The following KIF13A variants were observed in gnomAD, a reference collection of about 807,000 sequenced individuals.
KIF13A encodes the protein kinesin family member 13A, also known as kinesin-like protein KIF13A.
KIF13A carries 79 observed loss-of-function variants against 212.2 expected under a neutral mutation model. The ratio of observed to expected loss-of-function variants is 0.37; its 90% CI spans 0.31 to 0.45. The LOEUF (loss-of-function observed/expected upper bound fraction) is 0.45, where lower values mean the gene tolerates loss of function less well. Ranked by LOEUF, KIF13A falls within the 20% of genes least tolerant of loss-of-function variation. The pLI, the probability that KIF13A is intolerant of heterozygous loss-of-function variation, is 1.00. For synonymous variants in KIF13A, 789 were observed against 808.6 expected (o/e 0.98, Z 0.41); for missense variants, 1,901 against 2,209.0 (o/e 0.86, Z 2.79).
rs1213917528 is a variant in KIF13A at position 17,772,526 on chromosome 6, G to A, written c.4325-467C>T. ...ACATAAATCTGTGATGTCACAAAGA[G>A]TTACTACAGTGCTAGTCTGTGTGAA... is the stretch of plus-strand genomic sequence containing the variant. On this transcript the variant is annotated intron_variant, in intron 36 of 38. Coordinates refer to ENST00000259711, the MANE Select transcript of KIF13A (RefSeq NM_022113.6). The surrounding 1 kb of genome is among the most constrained non-coding windows in gnomAD (Gnocchi z 4.8). 6.6e-6 allele frequency among the ~76,000 whole-genome samples: 1 copy of A among 152,224 alleles called. No homozygotes were observed. The highest frequency in any genetic ancestry group is 1.9e-4 in the East Asian group (1 of 5,196).
chr6:17,810,567 T>G (rs1368577813), intron 17 of KIF13A, among the ~76,000 whole-genome samples: 1 of 152,226 alleles, frequency 6.6e-6, no homozygotes, highest in African/African-American at 2.4e-5. Flanking sequence ...ATGACTCAAG[T>G]GCATTACATT....
Position 17,829,936 on chromosome 6 carries a change from C to A in KIF13A, c.1401+1165G>T, listed in dbSNP as rs150638779. ...TCTCACTGTTCTCAAGCAGGCAATACCTTCGCATTTAGAGATTCAGGTGTG... is the reference window on the plus strand; with the variant it reads ...TCTCACTGTTCTCAAGCAGGCAATAACTTCGCATTTAGAGATTCAGGTGTG... On this transcript the variant is annotated intron_variant, in intron 13 of 38. Coordinates refer to ENST00000259711, the MANE Select transcript of KIF13A (RefSeq NM_022113.6). The surrounding 1 kb of genome is among the most constrained non-coding windows in gnomAD (Gnocchi z 5.4). Among the ~76,000 whole-genome samples, 8 of 152,062 alleles carry A rather than the reference C, an allele frequency of 5.3e-5. No homozygotes were observed. Among genetic ancestry groups the A allele is most frequent in the Admixed American group, 3.9e-4 (6 of 15,244 alleles).
In KIF13A at chr6:17,918,716, C is replaced by A. The variant is rs974205207; in HGVS notation, c.147-20536G>T. Reference sequence around the variant, plus strand: ...AGAAGCTCCCTCTGCCTGGAAAGCCCTCTCCAGGGCTTGCTCCTCAGAGGA... The same window carrying A: ...AGAAGCTCCCTCTGCCTGGAAAGCCATCTCCAGGGCTTGCTCCTCAGAGGA... On this transcript the variant is annotated intron_variant, in intron 2 of 38. Transcript: ENST00000259711. The surrounding 1 kb of genome is among the most constrained non-coding windows in gnomAD (Gnocchi z 4.8). 2.0e-5 allele frequency among the ~76,000 whole-genome samples: 3 copies of A among 152,146 alleles called. No individual in the cohort carries two copies. The highest frequency in any genetic ancestry group is 7.2e-5 in the African/African-American group (3 of 41,414).
chr6:17,806,360 T>G (rs1455114808), intron 18 of KIF13A, among the ~76,000 whole-genome samples: 2 of 152,224 alleles, frequency 1.3e-5, no homozygotes, highest in African/African-American at 4.8e-5. Flanking sequence ...AAGTCCACTA[T>G]AAGCATCCTT....
intron 25 of KIF13A, among the ~76,000 whole-genome samples, chr6:17,791,264 G>A (rs552139784): frequency 7.1e-4 from 108 of 152,114 alleles, no homozygotes; most frequent in African/African-American, 2.0e-3. Flanking sequence ...TTTAAACTAT[G>A]GAGGTAGTTC....
rs149242094 is a variant in KIF13A, at chr6:17,827,502, T to C, written c.1532+738A>G. ...GATGGGTCCATGGGGTTTCATTATA[T>C]TATTCTCTCTACATTTTTTTTTTTT... is the stretch of plus-strand genomic sequence containing the variant. On this transcript the variant is annotated intron_variant, in intron 14 of 38. Transcript: ENST00000259711. Among the ~76,000 whole-genome samples, 291 of 146,498 alleles carry C rather than the reference T, an allele frequency of 2.0e-3. 1 individual carries two copies. Among genetic ancestry groups the C allele is most frequent in the Middle Eastern group, 0.014 (4 of 286 alleles).
intron 17 of KIF13A, among the ~76,000 whole-genome samples, chr6:17,810,407 C>A (rs1049057657): frequency 6.6e-6 from 1 of 152,162 alleles, no homozygotes; most frequent in African/African-American, 2.4e-5. Flanking sequence ...TCCCACAACC[C>A]CTGCCTAATG....
chr6:17,893,069 C>T (rs1772213123), intron 3 of KIF13A, among the ~76,000 whole-genome samples: 1 of 152,160 alleles, frequency 6.6e-6, no homozygotes, highest in Non-Finnish European at 1.5e-5. Context: ...TGTGCTAACT[C>T]CAGGTAACAT....
In KIF13A at chr6:17,779,023, C is replaced by T. The variant is rs1190314631; in HGVS notation, c.4016G>A (p.Gly1339Glu). The T allele has an allele frequency of 6.2e-7, 1 of 1,613,630 alleles. No individual in the cohort carries two copies. The highest frequency in any genetic ancestry group is 8.5e-7 in the Non-Finnish European group (1 of 1,179,822). Residue 1339 changes from glycine to glutamate, a missense_variant, in exon 33 of 39, where the codon GGG (glycine) becomes GAG (glutamate). Physicochemically the swap from Gly to Glu is moderately conservative, Grantham distance 98. Coordinates refer to ENST00000259711, the MANE Select transcript of KIF13A (RefSeq NM_022113.6). ...AGTGTACTTCTCAATGTACGTCTCC[C>T]CATCTGATGTGCCTTCGTTTTCACT... is the stretch of plus-strand genomic sequence containing the variant. ...ARSENEGTSD[G>E]ETYIEKYTRG...
intron 2 of KIF13A, among the ~76,000 whole-genome samples, chr6:17,903,750 A>G (rs1478158024): frequency 6.6e-6 from 1 of 152,208 alleles, no homozygotes; most frequent in Non-Finnish European, 1.5e-5. Context: ...TGATTTTGTT[A>G]GCAAAAGTAC....
rs1778853914 is a variant in KIF13A, at chr6:17,962,000, T to C, written c.146+25054A>G. Among the ~76,000 whole-genome samples, 1 of 152,172 alleles carries C rather than the reference T, an allele frequency of 6.6e-6. No individual in the cohort carries two copies. The highest frequency in any genetic ancestry group is 1.5e-5 in the Non-Finnish European group (1 of 68,030). Reference sequence around the variant, plus strand: ...TGTGTGGCACCTACATACCAATGTGTCTTATAATTGATGGTATTTTAGGTG... The same window carrying C: ...TGTGTGGCACCTACATACCAATGTGCCTTATAATTGATGGTATTTTAGGTG... On this transcript the variant is annotated intron_variant, in intron 2 of 38. Transcript: ENST00000259711. The surrounding 1 kb of genome is among the most constrained non-coding windows in gnomAD (Gnocchi z 4.1).
chr6:17,844,104 A>G (rs999274414), intron 9 of KIF13A, among the ~76,000 whole-genome samples: 3 of 152,134 alleles, frequency 2.0e-5, no homozygotes, highest in Admixed American at 1.3e-4. Flanking sequence ...GATTGATGAA[A>G]TAAGTGGATT....
At chr6:17,797,147 A>G (rs2150327933) in intron 22 of KIF13A, among the ~76,000 whole-genome samples, 1 of 151,756 alleles carries the variant, frequency 6.6e-6, no homozygotes, top group East Asian at 1.9e-4. Flanking sequence ...CTCCTGCCTC[A>G]GCCTCCCGAG....
In KIF13A at chr6:17,946,117, G is replaced by A. The variant is rs1454628862; in HGVS notation, c.146+40937C>T. Among the ~76,000 whole-genome samples, 3 of 152,054 alleles carry A rather than the reference G, an allele frequency of 2.0e-5. 1 individual carries two copies. The highest frequency in any genetic ancestry group is 7.2e-5 in the African/African-American group (3 of 41,386). On this transcript the variant is annotated intron_variant, in intron 2 of 38. Transcript: ENST00000259711. Reference sequence around the variant, plus strand: ...AACTTTTAAAAACATGACACATACAGCATTAACCCTTTAAAAAAAATAGGG... The same window carrying A: ...AACTTTTAAAAACATGACACATACAACATTAACCCTTTAAAAAAAATAGGG...
At chr6:17,924,013 TTTTAC>T (rs1210373622) in intron 2 of KIF13A, among the ~76,000 whole-genome samples, 2 of 152,150 alleles carry the variant, frequency 1.3e-5, no homozygotes, top group Non-Finnish European at 2.9e-5. Flanking sequence ...CTAAAAAATC[TTTTAC>T]TTTAAGATAT....
At position 17,828,952 on chromosome 6, in the gene KIF13A, AT is replaced by A. The variant is rs10667237; in HGVS notation, c.1402-583del. Among the ~76,000 whole-genome samples the A allele has an allele frequency of 3.3e-4, 49 of 147,580 alleles. No individual in the cohort carries two copies. Among genetic ancestry groups the A allele is most frequent in the Middle Eastern group, 3.4e-3 (1 of 290 alleles). ...GGGTCATACCATGTACAAACGTGTGATTTTTTTTTTTTTGACATGGTGTCTC... is the reference window on the plus strand; with the variant it reads ...GGGTCATACCATGTACAAACGTGTGATTTTTTTTTTTTGACATGGTGTCTC... On this transcript the variant is annotated intron_variant, in intron 13 of 38. Transcript: ENST00000259711. This position sits in a 1 kb window ranked among gnomAD's most constrained non-coding sequence, Gnocchi z 4.3.
In KIF13A at chr6:17,856,769, CTG is replaced by C. The variant is rs1292744853; in HGVS notation, c.221-649_221-648del. Among the ~76,000 whole-genome samples, 1 of 152,190 alleles carries C rather than the reference CTG, an allele frequency of 6.6e-6. No individual in the cohort carries two copies. Among genetic ancestry groups the C allele is most frequent in the African/African-American group, 2.4e-5 (1 of 41,442 alleles). On this transcript the variant is annotated intron_variant, in intron 4 of 38. Coordinates refer to ENST00000259711, the MANE Select transcript of KIF13A (RefSeq NM_022113.6). This position sits in a 1 kb window ranked among gnomAD's most constrained non-coding sequence, Gnocchi z 4.5. ...GGCTGAAGAGTAAAGGAGTGACAAT[CTG>C]TTTTAAACACATAAAAGGACAGCAT...
chr6:17,915,947 AT>A lies in KIF13A; in HGVS notation c.147-17768del, dbSNP rs780904098. 0.092 allele frequency among the ~76,000 whole-genome samples: 13,402 copies of A among 145,558 alleles called. 802 individuals carry two copies. Among genetic ancestry groups the A allele is most frequent in the African/African-American group, 0.18 (6,773 of 37,154 alleles). ...CAGAGAGCCAGTCTCAAAAAAAAAAATAAAAATAAAAATAAAATAAAATAAA... is the reference window on the plus strand; with the variant it reads ...CAGAGAGCCAGTCTCAAAAAAAAAAAAAAAATAAAAATAAAATAAAATAAA... On this transcript the variant is annotated intron_variant, in intron 2 of 38. Coordinates refer to ENST00000259711, the MANE Select transcript of KIF13A (RefSeq NM_022113.6). This position sits in a 1 kb window ranked among gnomAD's most constrained non-coding sequence, Gnocchi z 4.4.
In KIF13A at chr6:17,837,132, T is replaced by C. The variant is rs762010376; in HGVS notation, c.943-42A>G. 2.6e-6 allele frequency: 4 copies of C among 1,527,056 alleles called. No homozygotes were observed. The highest frequency in any genetic ancestry group is 1.1e-5 in the South Asian group (1 of 89,116). 94.6% of individuals were successfully genotyped at this position (1,527,056 alleles called of 1,614,324 possible). On this transcript the variant is annotated intron_variant, in intron 10 of 38. Transcript: ENST00000259711. This position sits in a 1 kb window ranked among gnomAD's most constrained non-coding sequence, Gnocchi z 5.4. ...ACAGCATCTTAGGAAGCCCATTCCA[T>C]GGACAACACATATGATAAAAGCACT... is the stretch of plus-strand genomic sequence containing the variant.
Sources: allele counts gnomAD v4.1 joint callset (sites outside exome capture counted in the v4.1 genomes callset), GRCh38; gene constraint gnomAD v4.1.1; non-coding constraint Gnocchi (gnomAD v3.1); transcripts MANE v1.5; gene names NCBI Gene and HGNC (gene_info 2026-07-23, HGNC 2026-07-21).